CNTN5: variants seen among roughly 807,000 people sequenced by gnomAD.
CNTN5 encodes the protein contactin 5, also known as contactin-5.
In CNTN5, 77 loss-of-function variants were observed where a neutral mutation model predicts 129.1. That is an observed-to-expected ratio of 0.60 (90% confidence interval 0.50 to 0.72). CNTN5 has a LOEUF of 0.72. Ranked by LOEUF, CNTN5 falls within the 30% of genes least tolerant of loss-of-function variation. CNTN5 has a pLI of 0.00. For synonymous variants in CNTN5, 509 were observed against 465.6 expected, an observed-to-expected ratio of 1.09 and a Z score of -1.20; for missense variants, 1,478 against 1,328.8, an observed-to-expected ratio of 1.11 and a Z score of -1.75.
chr11:99,116,512 G>A (rs1182687833), intron 1 of CNTN5, among the ~76,000 whole-genome samples: 1 of 151,992 alleles, frequency 6.6e-6, no homozygotes, highest in Non-Finnish European at 1.5e-5. Context: ...CCTATTCTCA[G>A]GTTGCACGTT....
At chr11:99,093,982 A>C (rs1413552835) in intron 1 of CNTN5, among the ~76,000 whole-genome samples, 2 of 152,044 alleles carry the variant, frequency 1.3e-5, no homozygotes, top group Admixed American at 1.3e-4. Flanking sequence ...TTGATATATA[A>C]CATATAAGAT....
At chr11:99,035,090 T>C (rs1423819764) in intron 1 of CNTN5, among the ~76,000 whole-genome samples, 10 of 151,058 alleles carry the variant, frequency 6.6e-5, no homozygotes. Context: ...TTGAGTGAGA[T>C]TCTTAATCCT....
At chr11:99,956,463 A>G (rs1214687601) in intron 7 of CNTN5, among the ~76,000 whole-genome samples, 1 of 151,914 alleles carries the variant, frequency 6.6e-6, no homozygotes, top group Non-Finnish European at 1.5e-5. Context: ...GTTTGGGTAA[A>G]TTTTCTTCAT....
rs139885141 is a variant in CNTN5 at position 99,506,451 on chromosome 11, G to T, written c.-70-49694G>T. On this transcript the variant is annotated intron_variant, in intron 2 of 24. Transcript: ENST00000524871. ...GAAGGCAGGTTCACACCTCTGTCTT[G>T]TGTCCACCTTTCCAGGTACCAGTGC... Among the ~76,000 whole-genome samples, 688 of 152,118 alleles carry T rather than the reference G, an allele frequency of 4.5e-3. 4 individuals are homozygous for T. Among genetic ancestry groups the T allele is most frequent in the African/African-American group, 0.015 (638 of 41,500 alleles).
At chr11:100,175,229 G>C (rs897248637) in intron 13 of CNTN5, among the ~76,000 whole-genome samples, 2 of 152,006 alleles carry the variant, frequency 1.3e-5, no homozygotes, top group African/African-American at 4.8e-5. Flanking sequence ...GAATCCAGCA[G>C]GTCTACTTTT....
intron 9 of CNTN5, among the ~76,000 whole-genome samples, chr11:100,028,565 C>T (rs907652695): frequency 2.4e-4 from 36 of 152,180 alleles, no homozygotes; most frequent in African/African-American, 8.0e-4. Context: ...CTAACATTCT[C>T]CTTCTTTCTG....
intron 1 of CNTN5, among the ~76,000 whole-genome samples, chr11:99,067,728 GA>G (rs1865161714): frequency 6.6e-6 from 1 of 152,106 alleles, no homozygotes; most frequent in Admixed American, 6.6e-5. Context: ...GAATATATTA[GA>G]TAATTTATAA....
intron 1 of CNTN5, among the ~76,000 whole-genome samples, chr11:99,211,155 T>C (rs921421044): frequency 9.9e-5 from 15 of 152,100 alleles, no homozygotes; most frequent in African/African-American, 3.6e-4. Flanking sequence ...TGTCCCTTTT[T>C]ATTATCTTGG....
intron 2 of CNTN5, among the ~76,000 whole-genome samples, chr11:99,461,092 T>G (rs1271690664): frequency 2.0e-5 from 3 of 152,086 alleles, no homozygotes. Flanking sequence ...TTAATAATTA[T>G]CTGAGTAAAA....
chr11:99,116,546 A>G (rs909230011), intron 1 of CNTN5, among the ~76,000 whole-genome samples: 1 of 152,208 alleles, frequency 6.6e-6, no homozygotes, highest in Non-Finnish European at 1.5e-5. Context: ...GCAATTGACC[A>G]ACAAAATAAA....
intron 3 of CNTN5, among the ~76,000 whole-genome samples, chr11:99,651,961 G>A (rs534017041): frequency 1.3e-5 from 2 of 152,164 alleles, no homozygotes; most frequent in African/African-American, 4.8e-5. Flanking sequence ...TTCTACTGCT[G>A]CATAACACGT....
At chr11:100,332,755 G>A (rs1010151140) in intron 21 of CNTN5, among the ~76,000 whole-genome samples, 1 of 152,070 alleles carries the variant, frequency 6.6e-6, no homozygotes, top group Non-Finnish European at 1.5e-5. Context: ...ATCTCTTTAT[G>A]ATTAAAATCC....
At chr11:99,170,878 A>G (rs1038750084) in intron 1 of CNTN5, among the ~76,000 whole-genome samples, 1 of 152,234 alleles carries the variant, frequency 6.6e-6, no homozygotes, top group Admixed American at 6.5e-5. Flanking sequence ...TGGTGTTACC[A>G]CAAAGCTAAG....
At chr11:99,658,498 T>C (rs1197070137) in intron 3 of CNTN5, among the ~76,000 whole-genome samples, 1 of 152,044 alleles carries the variant, frequency 6.6e-6, no homozygotes, top group Non-Finnish European at 1.5e-5. Context: ...CTACAGAGTA[T>C]ATAGTAAATA....
chr11:100,159,959 G>A lies in CNTN5; in HGVS notation c.1581-31167G>A, dbSNP rs186814049. ...TTTCATATATATACTTTAAGTTCTG[G>A]GGATACATAGGCAGAACGTGCAGGT... is the stretch of plus-strand genomic sequence containing the variant. On this transcript the variant is annotated intron_variant, in intron 13 of 24. Coordinates refer to ENST00000524871, the MANE Select transcript of CNTN5 (RefSeq NM_014361.4). 2.0e-4 allele frequency among the ~76,000 whole-genome samples: 30 copies of A among 151,722 alleles called. 1 individual carries two copies. The highest frequency in any genetic ancestry group is 1.8e-3 in the Admixed American group (28 of 15,192).
intron 3 of CNTN5, among the ~76,000 whole-genome samples, chr11:99,754,622 A>G (rs1944350313): frequency 6.6e-6 from 1 of 152,184 alleles, no homozygotes; most frequent in Non-Finnish European, 1.5e-5. Context: ...AAGCAGTTCT[A>G]TGTTCACAGC....
At chr11:99,825,727 T>C (rs1946933100) in intron 4 of CNTN5, among the ~76,000 whole-genome samples, 1 of 152,242 alleles carries the variant, frequency 6.6e-6, no homozygotes, top group African/African-American at 2.4e-5. Flanking sequence ...CTGGCCTCTT[T>C]TGTAGCGGGC....
At chr11:99,697,013 A>T (rs1194009162) in intron 3 of CNTN5, among the ~76,000 whole-genome samples, 3 of 151,966 alleles carry the variant, frequency 2.0e-5, no homozygotes, top group Admixed American at 6.6e-5. Context: ...AAAAGGACAC[A>T]TGAGTCAACT....
intron 1 of CNTN5, among the ~76,000 whole-genome samples, chr11:99,100,913 C>T (rs1286485645): frequency 6.6e-6 from 1 of 152,118 alleles, no homozygotes; most frequent in East Asian, 1.9e-4. Context: ...ATATTTCTTA[C>T]ATGACTTTTG....
Sources: gnomAD v4.1 joint callset for allele counts (sites outside exome capture counted in the v4.1 genomes callset) on GRCh38, gnomAD v4.1.1 for gene constraint, MANE v1.5 for transcripts, NCBI Gene and HGNC (gene_info 2026-07-23, HGNC 2026-07-21) for gene names.